The following CFAP251 variants were observed in gnomAD, a reference collection of about 807,000 sequenced individuals.
The protein encoded by CFAP251 is cilia and flagella associated protein 251, also known as cilia- and flagella-associated protein 251.
A neutral mutation model predicts 126.7 loss-of-function variants in CFAP251; 93 were observed. The observed-to-expected ratio is 0.73, with a 90% confidence interval of 0.62 to 0.87. The LOEUF (loss-of-function observed/expected upper bound fraction) is 0.87. Among genes scored for constraint, CFAP251 ranks in the 40% least tolerant of loss-of-function variants. The pLI is 0.00. For missense variants in CFAP251, 1,287 were observed against 1,389.2 expected, an observed-to-expected ratio of 0.93 and a Z score of 1.17; for synonymous variants, 503 against 506.9, an observed-to-expected ratio of 0.99 and a Z score of 0.10.
chr12:121,957,115 A>C lies in CFAP251; in HGVS notation c.1577A>C (p.Tyr526Ser). Residue 526 changes from tyrosine (Y) to serine (S), a missense_variant, in exon 11 of 22, where the codon TAT (tyrosine) becomes TCT (serine). Physicochemically the swap from Tyr to Ser is moderately radical, Grantham distance 144. Coordinates refer to ENST00000288912, the MANE Select transcript of CFAP251 (RefSeq NM_144668.6). ...TGDIKGNIKFYDHTLSIVNWY... is the reference protein window; with the variant it reads ...TGDIKGNIKFSDHTLSIVNWY... ...GACATTAAGGGGAACATTAAGTTCT[A>C]TGATCACACCCTGTCTATTGTTAAC... 6.2e-7 allele frequency: 1 copy of C among 1,610,188 alleles called. No individual in the cohort carries two copies. Among genetic ancestry groups the C allele is most frequent in the Non-Finnish European group, 8.5e-7 (1 of 1,178,788 alleles).
intron 21 of CFAP251, among the ~76,000 whole-genome samples, chr12:122,003,139 C>T (rs548157464): frequency 6.6e-6 from 1 of 152,282 alleles, no homozygotes; most frequent in African/African-American, 2.4e-5. Flanking sequence ...TGGTTAACAG[C>T]GTTCTGTTCC....
intron 17 of CFAP251, among the ~76,000 whole-genome samples, chr12:121,968,406 C>T (rs1278226509): frequency 1.3e-5 from 2 of 152,136 alleles, no homozygotes; most frequent in South Asian, 2.1e-4. Flanking sequence ...TTGGGCTCAC[C>T]CCTGCTCCCT....
At chr12:121,952,417 A>AT (rs1268546115) in intron 9 of CFAP251, among the ~76,000 whole-genome samples, 1 of 146,272 alleles carries the variant, frequency 6.8e-6, no homozygotes, top group Non-Finnish European at 1.5e-5. Context: ...AAGACCCTGT[A>AT]TATAAAAAAA....
In CFAP251 at chr12:121,942,469, C is replaced by T. The variant is rs571907600; in HGVS notation, c.999-65C>T. 1.9e-5 allele frequency: 23 copies of T among 1,197,560 alleles called. No homozygotes were observed. In the African/African-American group the frequency reaches 2.2e-4, roughly 12 times the overall value. The allele number at this position is 1,197,560 out of a possible 1,614,324, so 74.2% of individuals were successfully genotyped here. On this transcript the variant is annotated intron_variant, in intron 5 of 21. Coordinates refer to ENST00000288912, the MANE Select transcript of CFAP251 (RefSeq NM_144668.6). ...AGGTTTGGGCTGAGCTCAGACCTGCCCTGGGACTCTCTGGGAAGCCAGGGA... is the reference window on the plus strand; with the variant it reads ...AGGTTTGGGCTGAGCTCAGACCTGCTCTGGGACTCTCTGGGAAGCCAGGGA...
At chr12:121,980,547 C>T (rs1264829909) in intron 19 of CFAP251, among the ~76,000 whole-genome samples, 1 of 151,980 alleles carries the variant, frequency 6.6e-6, no homozygotes, top group Non-Finnish European at 1.5e-5. Context: ...GGGGTTTCTC[C>T]ATGTTGGCCA....
intron 19 of CFAP251, chr12:121,992,237 C>G: frequency 4.1e-6 from 4 of 985,472 alleles, no homozygotes; most frequent in African/African-American, 1.7e-5. Flanking sequence ...GTTCCTCTCC[C>G]AAGCATGAAC....
intron 19 of CFAP251, among the ~76,000 whole-genome samples, chr12:121,978,458 A>T (rs1363037811): frequency 1.3e-5 from 2 of 150,094 alleles, no homozygotes; most frequent in Non-Finnish European, 3.0e-5. Context: ...ATATATTTTA[A>T]TTTTTTAACT....
At chr12:121,968,916 T>C in intron 17 of CFAP251, 2 of 985,426 alleles carry the variant, frequency 2.0e-6, no homozygotes, top group Non-Finnish European at 2.4e-6. Context: ...GAATCTTCCC[T>C]AATAAAGAGG....
At chr12:121,954,480 CA>C in intron 10 of CFAP251, 146 bp downstream of exon 10, 1 of 682,752 alleles carries the variant, frequency 1.5e-6, no homozygotes, top group Non-Finnish European at 2.3e-6. Flanking sequence ...GCCAGAAGTT[CA>C]AGACCAGCCT....
chr12:121,969,930 G>A (rs984656445), intron 17 of CFAP251: 5 of 985,316 alleles, frequency 5.1e-6, no homozygotes, highest in Non-Finnish European at 6.0e-6. Context: ...AATCTGTGGT[G>A]GGGACAAAGG....
intron 5 of CFAP251, among the ~76,000 whole-genome samples, chr12:121,938,895 C>T (rs1880996668): frequency 6.6e-6 from 1 of 151,592 alleles, no homozygotes; most frequent in Non-Finnish European, 1.5e-5. Flanking sequence ...AAGGCTGAGA[C>T]AGAATCGCTT....
rs759935780 is a variant in CFAP251 at position 121,968,052 on chromosome 12, C to T, written c.2654C>T (p.Ser885Phe). 5.6e-6 allele frequency: 9 copies of T among 1,613,480 alleles called. No homozygotes were observed. The South Asian group carries it at 9.9e-5, about 18-fold the overall frequency. The change falls in exon 17 of 22, where the codon TCT (serine) becomes TTT (phenylalanine). Residue 885 changes from serine to phenylalanine, a missense_variant. Coordinates refer to ENST00000288912, the MANE Select transcript of CFAP251 (RefSeq NM_144668.6). ...GTTGACGGCAATCCACATAAGACAT[C>T]TGCTATTGTTTGCCACCCGAACGGG... ...LPVDGNPHKTSAIVCHPNGVA... is the reference protein window; with the variant it reads ...LPVDGNPHKTFAIVCHPNGVA...
At chr12:121,939,089 C>T (rs1158046150) in intron 5 of CFAP251, among the ~76,000 whole-genome samples, 1 of 152,110 alleles carries the variant, frequency 6.6e-6, no homozygotes, top group African/African-American at 2.4e-5. Context: ...TGGTGTGTTT[C>T]CTTCCAAAAC....
At chr12:121,935,608 CTG>C (rs1284696976) in intron 5 of CFAP251, among the ~76,000 whole-genome samples, 1 of 152,208 alleles carries the variant, frequency 6.6e-6, no homozygotes, top group East Asian at 1.9e-4. Context: ...ATCTATTGCA[CTG>C]TGTCTGATGG....
chr12:121,999,993 G>A (rs767757427), intron 20 of CFAP251, 49 bp downstream of exon 20: 2 of 1,537,568 alleles, frequency 1.3e-6, no homozygotes, highest in South Asian at 2.3e-5. Context: ...GCCATTCCCA[G>A]TGTAGAGAAC....
chr12:121,952,485 A>C (rs1235247007), intron 9 of CFAP251, among the ~76,000 whole-genome samples: 1 of 152,096 alleles, frequency 6.6e-6, no homozygotes, highest in Non-Finnish European at 1.5e-5. Flanking sequence ...ATCCCTTATA[A>C]AGCTGCTCAG....
chr12:121,958,624 A>G (rs921965786), intron 12 of CFAP251, 102 bp downstream of exon 12: 1 of 1,539,880 alleles, frequency 6.5e-7, no homozygotes, highest in Non-Finnish European at 8.8e-7. Flanking sequence ...CCCCGACTCC[A>G]GCCCCCAGCA....
At chr12:121,926,528 A>G (rs1466353312) in intron 3 of CFAP251, among the ~76,000 whole-genome samples, 2 of 151,500 alleles carry the variant, frequency 1.3e-5, no homozygotes, top group African/African-American at 2.4e-5. Context: ...GGGTCTCACT[A>G]TGTCTCTCAG....
chr12:121,988,325 C>T (rs1882799640), intron 19 of CFAP251, among the ~76,000 whole-genome samples: 1 of 152,120 alleles, frequency 6.6e-6, no homozygotes, highest in South Asian at 2.1e-4. Context: ...CAGACATCAC[C>T]ACCACGTAAT....
Sources: allele counts gnomAD v4.1 joint callset (sites outside exome capture counted in the v4.1 genomes callset), GRCh38; gene constraint gnomAD v4.1.1; transcripts MANE v1.5; gene names NCBI Gene and HGNC (gene_info 2026-07-23, HGNC 2026-07-21).